SPARCL1: variants seen among roughly 807,000 people sequenced by gnomAD.
SPARCL1 encodes SPARC like 1.
SPARCL1 carries 52 observed loss-of-function variants against 67.1 expected under a neutral mutation model. The ratio of observed to expected loss-of-function variants is 0.78; its 90% CI spans 0.62 to 0.98. The LOEUF (loss-of-function observed/expected upper bound fraction) is 0.98, where lower values mean the gene tolerates loss of function less well. Ranked by LOEUF, SPARCL1 falls within the 50% of genes least tolerant of loss-of-function variation. The pLI, the probability that SPARCL1 is intolerant of heterozygous loss-of-function variation, is 0.00. For missense variants in SPARCL1, 717 were observed against 782.4 expected (o/e 0.92, Z 1.00); for synonymous variants, 226 against 267.8 (o/e 0.84, Z 1.52).
chr4:87,478,439 ATTT>A (rs71897053), intron 10 of SPARCL1, among the ~76,000 whole-genome samples: 22 of 138,814 alleles, frequency 1.6e-4, no homozygotes, highest in Middle Eastern at 3.6e-3. Context: ...AACATCTTTC[ATTT>A]TTTTTTTTTT....
chr4:87,506,117 A>C, intron 1 of SPARCL1, among the ~76,000 whole-genome samples: 1 of 152,118 alleles, frequency 6.6e-6, no homozygotes, highest in East Asian at 1.9e-4. Flanking sequence ...GACATTGCCA[A>C]ATGTTCCATG....
At chr4:87,516,821 A>G (rs898661962) in intron 1 of SPARCL1, among the ~76,000 whole-genome samples, 1 of 152,198 alleles carries the variant, frequency 6.6e-6, no homozygotes, top group Non-Finnish European at 1.5e-5. Context: ...CCCCAGGCTT[A>G]TCTTACCCAA....
At chr4:87,487,423 C>T (rs892720887) in intron 7 of SPARCL1, among the ~76,000 whole-genome samples, 2 of 152,198 alleles carry the variant, frequency 1.3e-5, no homozygotes, top group Non-Finnish European at 2.9e-5. Context: ...TATTGGCCCC[C>T]ACTCTTTTCT....
chr4:87,479,320 T>G, intron 10 of SPARCL1, 110 bp downstream of exon 10: 1 of 1,212,986 alleles, frequency 8.2e-7, no homozygotes, highest in South Asian at 1.5e-5. Flanking sequence ...ACCTTTTTTT[T>G]TCTAGCTTCC....
chr4:87,475,029 A>G (rs1417063023), intron 10 of SPARCL1, among the ~76,000 whole-genome samples: 1 of 152,210 alleles, frequency 6.6e-6, no homozygotes, highest in Non-Finnish European at 1.5e-5. Context: ...GGCGTGAGCC[A>G]CCGCGCCTGG....
In SPARCL1 at chr4:87,490,352, A is replaced by G. The variant is rs1210062225; in HGVS notation, c.1452T>C (p.His484=). The change falls in exon 7 of 11, where the codon CAT becomes CAC. Residue 484 remains histidine (H), a synonymous_variant. Transcript: ENST00000282470. ...TDNQTYASSC[H]LFATKCRLEG... ...CCAGTCTGCATTTAGTAGCGAATAG[A>G]TGACAGGAACTAGCATAGGTCTGAT... The G allele has an allele frequency of 1.9e-6, 3 of 1,613,348 alleles. No homozygotes were observed. In the Admixed American group the frequency reaches 5.0e-5, roughly 27 times the overall value.
intron 1 of SPARCL1, among the ~76,000 whole-genome samples, chr4:87,504,185 T>TGTGTGGGGGGGGGGGGG (rs1553970328): frequency 5.2e-5 from 1 of 19,062 alleles, no homozygotes; most frequent in Admixed American, 8.0e-4. Context: ...GTGTGTGTGG[T>TGTGTGGGGGGGGGGGGG]GGGGTGGGGG....
chr4:87,496,186 T>G (rs1019153040), intron 2 of SPARCL1, among the ~76,000 whole-genome samples: 29 of 152,144 alleles, frequency 1.9e-4, no homozygotes, highest in African/African-American at 7.0e-4. Flanking sequence ...AGGTCGTTAA[T>G]ATTTTTTATT....
chr4:87,487,686 G>A (rs936779703), intron 7 of SPARCL1, among the ~76,000 whole-genome samples: 1 of 152,208 alleles, frequency 6.6e-6, no homozygotes, highest in Non-Finnish European at 1.5e-5. Flanking sequence ...CCTGAAGAGT[G>A]TTTTCCAACT....
chr4:87,513,268 G>A (rs2110255916), intron 1 of SPARCL1, among the ~76,000 whole-genome samples: 1 of 152,312 alleles, frequency 6.6e-6, no homozygotes, highest in South Asian at 2.1e-4. Context: ...TAAATGTAAA[G>A]AAACAGAAAT....
At chr4:87,503,990 G>T (rs1270290679) in intron 1 of SPARCL1, among the ~76,000 whole-genome samples, 1 of 152,044 alleles carries the variant, frequency 6.6e-6, no homozygotes, top group African/African-American at 2.4e-5. Flanking sequence ...CTATAGCATA[G>T]ACTTCCTCAT....
intron 10 of SPARCL1, among the ~76,000 whole-genome samples, chr4:87,474,731 TTCTC>T (rs200674012): frequency 2.0e-3 from 262 of 133,672 alleles, no homozygotes; most frequent in Non-Finnish European, 3.3e-3. Flanking sequence ...CTGTAAAGAT[TTCTC>T]TCTCTCTCTT....
At chr4:87,493,473 T>C (rs746597054) in intron 4 of SPARCL1, 109 bp downstream of exon 4, 1 of 881,746 alleles carries the variant, frequency 1.1e-6, no homozygotes, top group Non-Finnish European at 1.7e-6. Context: ...ATTTTAGTAA[T>C]GTACTAGTAG....
rs1342462447 is a variant in SPARCL1, at chr4:87,490,804, AG to A, written c.1365del (p.Cys456AlafsTer5). On this transcript the variant is annotated frameshift_variant, in exon 6 of 11. Coordinates refer to ENST00000282470, the MANE Select transcript of SPARCL1 (RefSeq NM_004684.6). LOFTEE classifies it high-confidence loss of function. ...KADQQGKPHCVCQDPVTCPPT... is the reference protein window; with the variant it reads ...KADQQGKPHCXCQDPVTCPPT... ...GGAGGACAAGTCACTGGATCCTGGC[AG>A]ACACAGTGAGGTTTTCCCTGTTGGT... 1.2e-6 allele frequency: 2 copies of A among 1,612,986 alleles called. No homozygotes were observed. Among genetic ancestry groups the A allele is most frequent in the Non-Finnish European group, 1.7e-6 (2 of 1,179,332 alleles).
At position 87,479,352 on chromosome 4, in the gene SPARCL1, C is replaced by T. The variant is rs193271824; in HGVS notation, c.1966+78G>A. On this transcript the variant is annotated intron_variant, in intron 10 of 10. Coordinates refer to ENST00000282470, the MANE Select transcript of SPARCL1 (RefSeq NM_004684.6). ...TTCCAATTCGAACATGTGGCAGGAC[C>T]TCTCTATGAAGCATGCAGGGCTTAG... 3.8e-4 allele frequency: 547 copies of T among 1,437,998 alleles called. 4 individuals are homozygous for T. Among genetic ancestry groups the T allele is most frequent in the Admixed American group, 2.2e-4 (10 of 45,406 alleles). 89.1% of individuals were successfully genotyped at this position (1,437,998 alleles called of 1,614,324 possible).
chr4:87,508,380 T>G (rs1440136940), intron 1 of SPARCL1, among the ~76,000 whole-genome samples: 1 of 150,552 alleles, frequency 6.6e-6, no homozygotes, highest in Non-Finnish European at 1.5e-5. Flanking sequence ...TTTTTTTTTC[T>G]GTAGAGACAG....
intron 10 of SPARCL1, among the ~76,000 whole-genome samples, chr4:87,478,262 A>G (rs1404453691): frequency 2.7e-5 from 4 of 150,736 alleles, no homozygotes; most frequent in Admixed American, 6.6e-5. Context: ...TAATTGACAA[A>G]TAAAAATGGT....
Position 87,494,373 on chromosome 4 carries a change from G to A in SPARCL1, c.427C>T (p.Pro143Ser). The change falls in exon 4 of 11, where the codon CCT (proline) becomes TCT (serine). Residue 143 changes from proline (P) to serine (S), a missense_variant. Coordinates refer to ENST00000282470, the MANE Select transcript of SPARCL1 (RefSeq NM_004684.6). The stretch of plus-strand genomic sequence containing the variant: ...GAATCTGTGAAGGAACTAACACCAG[G>A]AGCCAAAAAATCAGTGTTCTCTGAG... ...KLSENTDFLA[P>S]GVSSFTDSNQ... 6.2e-7 allele frequency: 1 copy of A among 1,614,106 alleles called. No homozygotes were observed. Among genetic ancestry groups the A allele is most frequent in the Non-Finnish European group, 8.5e-7 (1 of 1,180,024 alleles).
intron 10 of SPARCL1, among the ~76,000 whole-genome samples, chr4:87,477,899 A>T (rs763966103): frequency 2.4e-4 from 36 of 152,244 alleles, no homozygotes; most frequent in Non-Finnish European, 4.7e-4. Context: ...GGTACTTACA[A>T]AAATATACAT....
Sources: allele counts gnomAD v4.1 joint callset (sites outside exome capture counted in the v4.1 genomes callset), GRCh38; gene constraint gnomAD v4.1.1; transcripts MANE v1.5; gene names NCBI Gene and HGNC (gene_info 2026-07-23, HGNC 2026-07-21).